Variants in SKP1 observed in about 807,000 individuals in gnomAD.
SKP1 encodes S-phase kinase-associated protein 1.
Under a neutral mutation model 21.5 loss-of-function variants are expected in SKP1, and 1 was observed. The observed-to-expected ratio is 0.05, with a 90% confidence interval of 0.02 to 0.22. The LOEUF is 0.22. Ranked by LOEUF, SKP1 falls within the 10% of genes least tolerant of loss-of-function variation. SKP1 has a pLI of 1.00. For synonymous variants in SKP1, 59 were observed against 59.3 expected (o/e 0.99, Z 0.03); for missense variants, 70 against 192.0 (o/e 0.36, Z 3.76).
chr5:134,176,365 G>A (rs2149378505), intron 1 of SKP1, among the ~76,000 whole-genome samples: 1 of 152,208 alleles, frequency 6.6e-6, no homozygotes, highest in East Asian at 1.9e-4. Context: ...CAAGAACCGG[G>A]CGGCCTCAGA....
At chr5:134,167,975 A>G (rs949911020) in intron 2 of SKP1, among the ~76,000 whole-genome samples, 2 of 152,264 alleles carry the variant, frequency 1.3e-5, no homozygotes, top group African/African-American at 4.8e-5. Flanking sequence ...AGGGACGACT[A>G]TAACTTATAA....
rs1315397230 is a variant in SKP1, at chr5:134,158,604, A to C, written c.316-9T>G. 1 of 1,611,840 alleles carries C rather than the reference A, an allele frequency of 6.2e-7. No individual in the cohort carries two copies. Reference sequence around the variant, plus strand: ...TCTAAGTAGTTTGCAGCCTGTAAAGAGACAGTTGTTTTCCTTAAAGTATAC... The same window carrying C: ...TCTAAGTAGTTTGCAGCCTGTAAAGCGACAGTTGTTTTCCTTAAAGTATAC... On this transcript the variant is annotated splice_polypyrimidine_tract_variant and intron_variant, in intron 4 of 5. Coordinates refer to ENST00000353411, the MANE Select transcript of SKP1 (RefSeq NM_170679.3).
intron 3 of SKP1, among the ~76,000 whole-genome samples, chr5:134,163,995 C>A (rs1311147830): frequency 6.6e-6 from 1 of 152,104 alleles, no homozygotes; most frequent in Non-Finnish European, 1.5e-5. Flanking sequence ...TCCCAGAATT[C>A]TTTTCCCCCA....
chr5:134,163,483 G>A (rs1449314156), intron 3 of SKP1, among the ~76,000 whole-genome samples: 1 of 149,206 alleles, frequency 6.7e-6, no homozygotes, highest in Non-Finnish European at 1.5e-5. Flanking sequence ...AATACAAACA[G>A]GCTTAAAAAA....
chr5:134,175,459 G>T (rs908083143), intron 1 of SKP1: 1 of 152,128 alleles, frequency 6.6e-6, no homozygotes, highest in African/African-American at 2.4e-5. Context: ...ATCTCCAAAA[G>T]AAAATATTTT....
Position 134,157,708 on chromosome 5 carries a change from G to C in SKP1, c.*25C>G, listed in dbSNP as rs1397254778. Reference sequence around the variant, plus strand: ...ACTAGTATTTGGAACAATCCTTACAGTGTTACAGTGTCAGGCACAACATTT... The same window carrying C: ...ACTAGTATTTGGAACAATCCTTACACTGTTACAGTGTCAGGCACAACATTT... On this transcript the variant is annotated 3_prime_UTR_variant, in exon 6 of 6. Transcript: ENST00000353411. The C allele has an allele frequency of 1.3e-6, 2 of 1,576,034 alleles. No homozygotes were observed. The highest frequency in any genetic ancestry group is 8.7e-7 in the Non-Finnish European group (1 of 1,145,788).
At chr5:134,173,457 C>A in intron 2 of SKP1, 6 of 303,574 alleles carry the variant, frequency 2.0e-5, no homozygotes, top group South Asian at 1.8e-4. Flanking sequence ...CATCACTGCA[C>A]TCCAGCCTGG....
rs775309120 is a variant in SKP1 at position 134,158,452 on chromosome 5, T to A, written c.456+3A>T. 1 of 1,614,084 alleles carries A rather than the reference T, an allele frequency of 6.2e-7. No homozygotes were observed. The highest frequency in any genetic ancestry group is 8.5e-7 in the Non-Finnish European group (1 of 1,179,966). Reference sequence around the variant, plus strand: ...ATCAAAGACAAAACTGTGTGCTACCTACCTGGGCTTCCTCCTCTTCAGTAA... The same window carrying A: ...ATCAAAGACAAAACTGTGTGCTACCAACCTGGGCTTCCTCCTCTTCAGTAA... On this transcript the variant is annotated splice_donor_region_variant and intron_variant, in intron 5 of 5. Coordinates refer to ENST00000353411, the MANE Select transcript of SKP1 (RefSeq NM_170679.3).
chr5:134,169,506 A>G (rs954777680), intron 2 of SKP1, among the ~76,000 whole-genome samples: 1 of 152,270 alleles, frequency 6.6e-6, no homozygotes, highest in African/African-American at 2.4e-5. Context: ...ATTAGAGGAA[A>G]CATACAGAAG....
intron 3 of SKP1, among the ~76,000 whole-genome samples, chr5:134,165,951 G>C (rs1001735637): frequency 6.6e-5 from 10 of 151,924 alleles, no homozygotes; most frequent in African/African-American, 1.9e-4. Context: ...CCAGCACTTT[G>C]GGAGGCCAAG....
At chr5:134,167,601 C>G (rs1409795406) in intron 2 of SKP1, among the ~76,000 whole-genome samples, 1 of 151,880 alleles carries the variant, frequency 6.6e-6, no homozygotes, top group Non-Finnish European at 1.5e-5. Context: ...CGGCTCACTG[C>G]AAGCTCCGCC....
At position 134,174,614 on chromosome 5, in the gene SKP1, G is replaced by A. The variant is rs541453173; in HGVS notation, c.1-592C>T. 7 of 330,622 alleles carry A rather than the reference G, an allele frequency of 2.1e-5. No individual in the cohort carries two copies. The South Asian group carries it at 8.5e-4, about 40-fold the overall frequency. The allele number at this position is 330,622 out of a possible 1,614,324, so 20.5% of individuals were successfully genotyped here. ...ATCTACTTAAAAGCTTCATTTCAGA[G>A]CCCTTTTTATCTTTCAGTACTGACT... is the stretch of plus-strand genomic sequence containing the variant. On this transcript the variant is annotated intron_variant, in intron 1 of 5. Coordinates refer to ENST00000353411, the MANE Select transcript of SKP1 (RefSeq NM_170679.3).
At chr5:134,160,847 T>C in intron 4 of SKP1, 140 bp downstream of exon 4, 1 of 618,226 alleles carries the variant, frequency 1.6e-6, no homozygotes, top group Admixed American at 3.1e-5. Context: ...AGTGTGTTAC[T>C]GATATGTGGA....
In SKP1 at chr5:134,176,915, A is replaced by G. The variant is rs920432362; in HGVS notation, c.-61T>C. On this transcript the variant is annotated 5_prime_UTR_variant, in exon 1 of 6. Coordinates refer to ENST00000353411, the MANE Select transcript of SKP1 (RefSeq NM_170679.3). ...TGACGAGAGCCGGGAGGCGTTAGCG[A>G]AGGAAGAGAAAAACCGAAGACGAAG... The G allele has an allele frequency of 6.5e-6, 1 of 152,802 alleles. No individual in the cohort carries two copies. Among genetic ancestry groups the G allele is most frequent in the South Asian group, 2.1e-4 (1 of 4,850 alleles). The allele number at this position is 152,802 out of a possible 1,614,324, so 9.5% of individuals were successfully genotyped here. A position where few individuals can be genotyped will look rare whatever the true frequency, so the allele number is the denominator to read the frequency against.
intron 2 of SKP1, among the ~76,000 whole-genome samples, chr5:134,168,842 A>G (rs1461030751): frequency 1.3e-5 from 2 of 152,110 alleles, no homozygotes; most frequent in Non-Finnish European, 2.9e-5. Flanking sequence ...GAGAGGATCA[A>G]GAGCTCTAGT....
Position 134,167,248 on chromosome 5 carries a change from G to A in SKP1, c.98-5C>T, listed in dbSNP as rs1210975369. ...CTTCATCATCCATTCCCAAATCTAA[G>A]AAAACCAGAAGAAAGTTTCTATTTC... On this transcript the variant is annotated splice_polypyrimidine_tract_variant and splice_region_variant and intron_variant, in intron 2 of 5. Coordinates refer to ENST00000353411, the MANE Select transcript of SKP1 (RefSeq NM_170679.3). The A allele has an allele frequency of 6.3e-6, 10 of 1,580,932 alleles. No homozygotes were observed. Among genetic ancestry groups the A allele is most frequent in the Non-Finnish European group, 8.7e-6 (10 of 1,150,502 alleles).
chr5:134,167,386 A>T, intron 2 of SKP1, 143 bp from the exon 3 acceptor site: 2 of 623,976 alleles, frequency 3.2e-6, no homozygotes, highest in Non-Finnish European at 5.8e-6. Flanking sequence ...GATTAAACAT[A>T]TTGGGAAAAA....
At position 134,155,930 on chromosome 5, in the gene SKP1, G is replaced by A. The variant is rs1170737755; in HGVS notation, c.*1803C>T. 6.6e-6 allele frequency: 1 copy of A among 152,042 alleles called. No homozygotes were observed. The highest frequency in any genetic ancestry group is 2.4e-5 in the African/African-American group (1 of 41,368). The allele number at this position is 152,042 out of a possible 1,614,324, so 9.4% of individuals were successfully genotyped here. ...CCACCTCAGCCTCTCAAGTAGTTGG[G>A]ATTATAGGCATGCACCATATGACTG... is the stretch of plus-strand genomic sequence containing the variant. On this transcript the variant is annotated 3_prime_UTR_variant, in exon 6 of 6. Coordinates refer to ENST00000353411, the MANE Select transcript of SKP1 (RefSeq NM_170679.3).
chr5:134,171,117 A>C, intron 2 of SKP1: 1 of 434,036 alleles, frequency 2.3e-6, no homozygotes, highest in Non-Finnish European at 4.5e-6. Context: ...AAAGGCCACT[A>C]TGATTGGTAC....
Sources: allele counts gnomAD v4.1 joint callset (sites outside exome capture counted in the v4.1 genomes callset), GRCh38; gene constraint gnomAD v4.1.1; transcripts MANE v1.5; gene names NCBI Gene and HGNC (gene_info 2026-07-23, HGNC 2026-07-21).